The following KLRG1 variants were observed in gnomAD, a reference collection of about 807,000 sequenced individuals.
KLRG1 encodes killer cell lectin-like receptor subfamily G member 1.
A neutral mutation model predicts 21.8 loss-of-function variants in KLRG1; 16 were observed. The observed-to-expected ratio is 0.73, with a 90% CI of 0.50 to 1.11. The LOEUF is 1.11. Ranked by LOEUF, KLRG1 falls within the 50% of genes most tolerant of loss-of-function variation. The pLI is 0.00. For synonymous variants in KLRG1, 69 were observed against 75.9 expected (o/e 0.91, Z 0.47); for missense variants, 173 against 218.3 (o/e 0.79, Z 1.31).
chr12:9,202,576 T>G, the KLRG1 span: 1 of 1,614,136 alleles, frequency 6.2e-7, no homozygotes, highest in Non-Finnish European at 8.5e-7. Context: ...AAGACCAGAC[T>G]TTGGGTGTTC....
At chr12:9,123,242 C>CTA in the KLRG1 span, among the ~76,000 whole-genome samples, 12 of 152,026 alleles carry the variant, frequency 7.9e-5, no homozygotes, top group Non-Finnish European at 1.5e-4. Flanking sequence ...GTACCTAACC[C>CTA]TATATATACT....
the KLRG1 span, among the ~76,000 whole-genome samples, chr12:9,134,005 A>G: frequency 6.6e-6 from 1 of 152,206 alleles, no homozygotes; most frequent in South Asian, 2.1e-4. Context: ...TTTTACAGAA[A>G]TCAAAGGTAG....
the KLRG1 span, among the ~76,000 whole-genome samples, chr12:9,034,603 T>A: frequency 6.6e-6 from 1 of 152,102 alleles, no homozygotes; most frequent in South Asian, 2.1e-4. Flanking sequence ...TGCGCCACCA[T>A]GCCCGGCTAA....
At position 8,992,254 on chromosome 12, in the gene KLRG1, G is replaced by A; in HGVS notation, c.131G>A (p.Gly44Glu). 1 of 1,613,854 alleles carries A rather than the reference G, an allele frequency of 6.2e-7. No homozygotes were observed. Among genetic ancestry groups the A allele is most frequent in the Non-Finnish European group, 8.5e-7 (1 of 1,179,874 alleles). Reference sequence around the variant, plus strand: ...TCTTGCCTTGTGGCAATAGCTTTGGGGCTTCTGACTGCAGTTCTTCTGAGT... The same window carrying A: ...TCTTGCCTTGTGGCAATAGCTTTGGAGCTTCTGACTGCAGTTCTTCTGAGT... ...SCSCLVAIAL[G>E]LLTAVLLSVL... Residue 44 changes from glycine to glutamate, a missense_variant, in exon 2 of 5, where the codon GGG becomes GAG. This residue lies in a region of KLRG1 where 144 missense variants were observed against 161.5 expected (regional missense o/e 0.89). Transcript: ENST00000356986.
upstream of KLRG1, among the ~76,000 whole-genome samples, chr12:8,989,362 T>C (rs1946901612): frequency 6.6e-6 from 1 of 152,216 alleles, no homozygotes; most frequent in Non-Finnish European, 1.5e-5. Flanking sequence ...GAGAGCAATT[T>C]TTCCTTGCTC....
At chr12:9,068,010 G>T in the KLRG1 span, 1 of 962,958 alleles carries the variant, frequency 1.0e-6, no homozygotes, top group Non-Finnish European at 1.6e-6. Context: ...GACTCTCTGA[G>T]GTTTGACAGA....
chr12:9,093,598 A>G, the KLRG1 span: 1 of 1,415,096 alleles, frequency 7.1e-7, no homozygotes, highest in Non-Finnish European at 9.7e-7. Context: ...AGTGAGGAAG[A>G]AGACATTACA....
At chr12:9,076,570 T>C in the KLRG1 span, among the ~76,000 whole-genome samples, 8 of 152,216 alleles carry the variant, frequency 5.3e-5, no homozygotes, top group African/African-American at 1.9e-4. Flanking sequence ...CGGCCTCTTG[T>C]CTTCTGATTT....
chr12:8,961,969 C>G (rs1946389053), intron 1 of KLRG1, among the ~76,000 whole-genome samples: 1 of 152,054 alleles, frequency 6.6e-6, no homozygotes, highest in African/African-American at 2.4e-5. Flanking sequence ...ACCTGTAGTC[C>G]CAGCTACACA....
chr12:9,094,905 T>A, the KLRG1 span: 1 of 817,116 alleles, frequency 1.2e-6, no homozygotes. Flanking sequence ...TGTCACATTG[T>A]ATCTTTTAAA....
the KLRG1 span, chr12:9,068,135 A>T: frequency 1.6e-4 from 254 of 1,604,560 alleles, no homozygotes; most frequent in African/African-American, 2.8e-3. Context: ...TTTGGGGGGC[A>T]AGCTGAAGGA....
chr12:9,106,120 C>T, the KLRG1 span: 3 of 584,500 alleles, frequency 5.1e-6, no homozygotes. Context: ...ATATTTTATA[C>T]TTTTGGTTAT....
chr12:9,156,932 AATGTT>A, the KLRG1 span, among the ~76,000 whole-genome samples: 1 of 151,320 alleles, frequency 6.6e-6, no homozygotes, highest in East Asian at 1.9e-4. Context: ...TTATTTTTTA[AATGTT>A]ATTTTATTTT....
At chr12:8,966,539 C>T (rs1272151161) in intron 1 of KLRG1, among the ~76,000 whole-genome samples, 1 of 152,210 alleles carries the variant, frequency 6.6e-6, no homozygotes. Context: ...TGAACAGACA[C>T]TTCTCAAAAG....
At position 8,989,681 on chromosome 12, in the gene KLRG1, A is replaced by C. The variant is rs1946909710; in HGVS notation, c.46A>C (p.Thr16Pro). The C allele has an allele frequency of 1.2e-6, 2 of 1,610,828 alleles. No homozygotes were observed. The highest frequency in any genetic ancestry group is 1.7e-6 in the Non-Finnish European group (2 of 1,178,200). ...IYSMLELPTATQAQNDYGPQQ... is the reference protein window; with the variant it reads ...IYSMLELPTAPQAQNDYGPQQ... ...TTCCATGTTAGAGTTGCCTACGGCA[A>C]CCCAAGCCCAGAATGACTATGGACC... The change falls in exon 1 of 5, where the codon ACC becomes CCC. Residue 16 changes from threonine to proline, a missense_variant. By Grantham distance (38) the Thr-to-Pro change is conservative (BLOSUM62 -1). Around this residue, in one of 3 missense-constraint regions of KLRG1, gnomAD observed 144 missense variants for 161.5 expected, o/e 0.89. Coordinates refer to ENST00000356986, the MANE Select transcript of KLRG1 (RefSeq NM_005810.4).
At chr12:9,038,876 C>G in the KLRG1 span, among the ~76,000 whole-genome samples, 1 of 149,210 alleles carries the variant, frequency 6.7e-6, no homozygotes, top group Non-Finnish European at 1.5e-5. Flanking sequence ...TGCACTCCAG[C>G]CTGGGCAACA....
chr12:9,022,607 C>A, the KLRG1 span, among the ~76,000 whole-genome samples: 1 of 152,024 alleles, frequency 6.6e-6, no homozygotes, highest in African/African-American at 2.4e-5. Context: ...CCAATAAGAC[C>A]AAGGCATGAT....
the KLRG1 span, among the ~76,000 whole-genome samples, chr12:9,143,963 G>A: frequency 2.0e-5 from 3 of 152,238 alleles, no homozygotes; most frequent in Non-Finnish European, 2.9e-5. Flanking sequence ...CAATTAAGCT[G>A]AGAAGAAACT....
the KLRG1 span, chr12:9,113,316 T>C: frequency 1.9e-6 from 3 of 1,600,162 alleles, no homozygotes; most frequent in South Asian, 1.1e-5. Flanking sequence ...CCTATGACCC[T>C]GACTAAAAGA....
Sources: gnomAD v4.1 joint callset for allele counts (sites outside exome capture counted in the v4.1 genomes callset) on GRCh38, gnomAD v4.1.1 for gene constraint, gnomAD v4.1.1 regional missense constraint, MANE v1.5 for transcripts, NCBI Gene and HGNC (gene_info 2026-07-23, HGNC 2026-07-21) for gene names.